Variants in ZNF799 observed in about 807,000 individuals in gnomAD.
ZNF799 encodes the protein zinc finger protein 14.
In ZNF799, 28 loss-of-function variants were observed where a neutral mutation model predicts 41.0. The ratio of observed to expected loss-of-function variants is 0.68; its 90% CI spans 0.51 to 0.94. The LOEUF (loss-of-function observed/expected upper bound fraction) is 0.94. ZNF799 is among the 40% of genes least tolerant of loss of function. The pLI is 0.00. For synonymous variants in ZNF799, 213 were observed against 252.9 expected (o/e 0.84, Z 1.50); for missense variants, 716 against 764.3 (o/e 0.94, Z 0.74).
upstream of ZNF799, among the ~76,000 whole-genome samples, chr19:12,405,881 T>C (rs1006663238): frequency 5.9e-5 from 9 of 152,174 alleles, no homozygotes; most frequent in Admixed American, 2.0e-4. Flanking sequence ...ACTTACTGAA[T>C]TAAAACTTTA....
chr19:12,400,617 AC>A, intron 1 of ZNF799: 1 of 244,994 alleles, frequency 4.1e-6, no homozygotes, highest in Middle Eastern at 1.3e-3. Flanking sequence ...CCCAGGATTC[AC>A]CCCTCACTTC....
At chr19:12,392,398 G>A (rs1969839010) in intron 3 of ZNF799, among the ~76,000 whole-genome samples, 192 bp from the exon 4 acceptor site, 3 of 152,210 alleles carry the variant, frequency 2.0e-5, no homozygotes, top group African/African-American at 7.2e-5. Context: ...ACATTCATAT[G>A]TGGATTCATA....
chr19:12,402,440 A>C (rs1037285310), upstream of ZNF799, among the ~76,000 whole-genome samples: 1 of 54,890 alleles, frequency 1.8e-5, no homozygotes, highest in Non-Finnish European at 3.5e-5. Context: ...TTTTGGACTT[A>C]TTGCTCTAGC....
upstream of ZNF799, among the ~76,000 whole-genome samples, chr19:12,403,859 C>T (rs1242746667): frequency 6.6e-6 from 1 of 152,064 alleles, no homozygotes; most frequent in Non-Finnish European, 1.5e-5. Context: ...GCCTGCAGGT[C>T]TTCTTCTTTT....
chr19:12,409,969 A>C, the ZNF799 span, among the ~76,000 whole-genome samples: 1 of 152,122 alleles, frequency 6.6e-6, no homozygotes, highest in Non-Finnish European at 1.5e-5. Flanking sequence ...CAACATGGCA[A>C]AACCCTGTCT....
chr19:12,403,958 C>T (rs1230407774), upstream of ZNF799, among the ~76,000 whole-genome samples: 1 of 152,186 alleles, frequency 6.6e-6, no homozygotes, highest in African/African-American at 2.4e-5. Context: ...TTTTCATTAT[C>T]ATTTGTTTCA....
chr19:12,411,051 G>T, the ZNF799 span, among the ~76,000 whole-genome samples: 1 of 152,188 alleles, frequency 6.6e-6, no homozygotes, highest in Non-Finnish European at 1.5e-5. Flanking sequence ...GAAGCAGAGA[G>T]AAATCATGTT....
chr19:12,408,596 T>C, the ZNF799 span, among the ~76,000 whole-genome samples: 3 of 152,194 alleles, frequency 2.0e-5, no homozygotes, highest in South Asian at 2.1e-4. Flanking sequence ...AAAAGGAATA[T>C]GGAACAGGCT....
the ZNF799 span, among the ~76,000 whole-genome samples, chr19:12,414,458 T>A: frequency 6.6e-6 from 1 of 152,094 alleles, no homozygotes; most frequent in Non-Finnish European, 1.5e-5. Context: ...CACTGTCCAG[T>A]GGAGCCATCC....
At chr19:12,405,424 C>G (rs2144918355), upstream of ZNF799, among the ~76,000 whole-genome samples, 2 of 152,174 alleles carry the variant, frequency 1.3e-5, no homozygotes, top group Non-Finnish European at 2.9e-5. Flanking sequence ...ATGATAAAAC[C>G]CTAATTTTCA....
chr19:12,405,972 A>G (rs2144918790), upstream of ZNF799, among the ~76,000 whole-genome samples: 1 of 152,150 alleles, frequency 6.6e-6, no homozygotes, highest in South Asian at 2.1e-4. Flanking sequence ...CAAGCGATTG[A>G]GATCATCCTG....
Position 12,390,371 on chromosome 19 carries a change from T to G in ZNF799, c.*95A>C, listed in dbSNP as rs1969788464. ...TTAAGGTTTTACCAAGTGCTTACAT[T>G]CACAGGGTCTATCTCCAATGTGTTT... On this transcript the variant is annotated 3_prime_UTR_variant, in exon 4 of 4. Coordinates refer to ENST00000430385, the MANE Select transcript of ZNF799 (RefSeq NM_001080821.3). 6.3e-7 allele frequency: 1 copy of G among 1,590,744 alleles called. No homozygotes were observed. The highest frequency in any genetic ancestry group is 1.1e-5 in the South Asian group (1 of 87,640).
chr19:12,401,067 C>A lies in ZNF799; in HGVS notation c.3+1G>T. On this transcript the variant is annotated splice_donor_variant, in intron 1 of 3. Transcript: ENST00000430385. LOFTEE classifies it high-confidence loss of function. ...TCGGGACGCCGGCCCAGCACACGCA[C>A]CATTTCCCGACTTCCGCGGTGTCCC... The A allele has an allele frequency of 6.2e-7, 1 of 1,614,020 alleles. No individual in the cohort carries two copies.
At chr19:12,407,461 TAAA>T in the ZNF799 span, among the ~76,000 whole-genome samples, 1 of 119,040 alleles carries the variant, frequency 8.4e-6, no homozygotes, top group Non-Finnish European at 1.8e-5. Context: ...AGACCCTATC[TAAA>T]AAAAAAAAGA....
chr19:12,400,657 C>T (rs556759299), intron 1 of ZNF799: 136 of 341,176 alleles, frequency 4.0e-4, no homozygotes, highest in Non-Finnish European at 5.7e-4. Context: ...TACACCCAGC[C>T]GCCCCCGTCC....
chr19:12,413,525 G>A, the ZNF799 span, among the ~76,000 whole-genome samples: 2 of 152,300 alleles, frequency 1.3e-5, no homozygotes, highest in Non-Finnish European at 2.9e-5. Context: ...AAAATGTTCT[G>A]CACCAATGCT....
chr19:12,390,995 G>T lies in ZNF799; in HGVS notation c.1403C>A (p.Thr468Lys). The T allele has an allele frequency of 6.2e-7, 1 of 1,614,038 alleles. No individual in the cohort carries two copies. Among genetic ancestry groups the T allele is most frequent in the South Asian group, 1.1e-5 (1 of 91,078 alleles). ...ATATGGCTTCTCTCCAGCATGAGTT[G>T]TTTTGTGATTTTGAAAGGAATAGAA... ...IDFYSFQNHK[T>K]THAGEKPYEC... The change falls in exon 4 of 4, where the codon ACA (threonine) becomes AAA (lysine). Residue 468 changes from threonine to lysine, a missense_variant. Physicochemically the swap from Thr to Lys is moderately conservative, Grantham distance 78. Transcript: ENST00000430385.
chr19:12,414,616 C>T, the ZNF799 span, among the ~76,000 whole-genome samples: 1 of 152,214 alleles, frequency 6.6e-6, no homozygotes, highest in Non-Finnish European at 1.5e-5. Context: ...TCTCAATCTA[C>T]TCATTTTCAG....
chr19:12,406,760 C>T, the ZNF799 span, among the ~76,000 whole-genome samples: 1 of 151,606 alleles, frequency 6.6e-6, no homozygotes, highest in Non-Finnish European at 1.5e-5. Flanking sequence ...ATTAGCTGGA[C>T]ATGGTGGCGG....
Sources: gnomAD v4.1 joint callset for allele counts (sites outside exome capture counted in the v4.1 genomes callset) on GRCh38, gnomAD v4.1.1 for gene constraint, MANE v1.5 for transcripts, NCBI Gene and HGNC (gene_info 2026-07-23, HGNC 2026-07-21) for gene names.